Variants in FPR3 observed in about 807,000 individuals in gnomAD.
FPR3 encodes N-formyl peptide receptor 3.
For synonymous variants in FPR3, 135 were observed against 163.6 expected, an observed-to-expected ratio of 0.83 and a Z score of 1.34; for missense variants, 346 against 443.2, an observed-to-expected ratio of 0.78 and a Z score of 1.97.
intron 1 of FPR3, among the ~76,000 whole-genome samples, chr19:51,814,288 G>C (rs778319821): frequency 6.6e-6 from 1 of 152,158 alleles, no homozygotes; most frequent in Non-Finnish European, 1.5e-5. Flanking sequence ...CTCCGATTTA[G>C]ACCTTTAACT....
chr19:51,814,494 GT>G (rs1340034725), intron 1 of FPR3, among the ~76,000 whole-genome samples: 7 of 141,248 alleles, frequency 5.0e-5, no homozygotes, highest in African/African-American at 1.9e-4. Context: ...TTTTTTGTTT[GT>G]TTTGTTTTTT....
Position 51,824,934 on chromosome 19 carries a change from C to G in FPR3, c.*124C>G, listed in dbSNP as rs2084221556. On this transcript the variant is annotated 3_prime_UTR_variant, in exon 2 of 2. Transcript: ENST00000339223. The surrounding 1 kb of genome is among the most constrained non-coding windows in gnomAD (Gnocchi z 4.7). ...CCACAATCATCAACATAAAGGAAGT[C>G]TGTACCAAATCTGTAGGGGGTTTTT... 2.6e-6 allele frequency: 2 copies of G among 783,884 alleles called. No individual in the cohort carries two copies. Among genetic ancestry groups the G allele is most frequent in the Non-Finnish European group, 4.1e-6 (2 of 489,988 alleles). The allele number at this position is 783,884 out of a possible 1,614,324, so 48.6% of individuals were successfully genotyped here. A position where few individuals can be genotyped will look rare whatever the true frequency, so the allele number is the denominator to read the frequency against.
At chr19:51,808,847 G>A (rs2084078223) in intron 1 of FPR3, among the ~76,000 whole-genome samples, 1 of 152,174 alleles carries the variant, frequency 6.6e-6, no homozygotes, top group Non-Finnish European at 1.5e-5. Flanking sequence ...AAGCTTATGT[G>A]TCCGGCATCC....
chr19:51,814,580 A>G (rs2084120742), intron 1 of FPR3, among the ~76,000 whole-genome samples: 1 of 150,586 alleles, frequency 6.6e-6, no homozygotes, highest in Non-Finnish European at 1.5e-5. Flanking sequence ...TGCAACCTCC[A>G]TCTGCTGGGT....
chr19:51,798,827 T>G (rs2122409577), intron 1 of FPR3, among the ~76,000 whole-genome samples: 1 of 152,134 alleles, frequency 6.6e-6, no homozygotes, highest in East Asian at 1.9e-4. Context: ...ATTCTCAGAT[T>G]TTCATGATCA....
At position 51,823,847 on chromosome 19, in the gene FPR3, C is replaced by T. The variant is rs149153203; in HGVS notation, c.99C>T (p.His33=). The stretch of plus-strand genomic sequence containing the variant: ...TGTGGATCTTCTCATTGCTAGTCCA[C>T]GGAGTCACCTTTGTCTTCGGGGTCC... The part of the protein sequence containing the change: ...TVLWIFSLLV[H]GVTFVFGVLG... The change falls in exon 2 of 2, where the codon CAC becomes CAT. Residue 33 remains histidine (H), a synonymous_variant. Transcript: ENST00000339223. The T allele has an allele frequency of 1.5e-5, 25 of 1,614,018 alleles. No individual in the cohort carries two copies. Among genetic ancestry groups the T allele is most frequent in the East Asian group, 1.1e-4 (5 of 44,858 alleles).
intron 1 of FPR3, among the ~76,000 whole-genome samples, chr19:51,795,735 C>G (rs189081050): frequency 3.4e-3 from 523 of 151,844 alleles, no homozygotes; most frequent in South Asian, 9.0e-3. Context: ...GGCTGGTCTT[C>G]AACTCCTGAC....
intron 1 of FPR3, among the ~76,000 whole-genome samples, chr19:51,823,411 G>A (rs2084205188): frequency 6.6e-6 from 1 of 152,112 alleles, no homozygotes; most frequent in Admixed American, 6.5e-5. Flanking sequence ...TGAGTCTTGT[G>A]CCTTCCTCAC....
chr19:51,797,104 G>T (rs34584856), intron 1 of FPR3, among the ~76,000 whole-genome samples: 37,434 of 152,086 alleles, frequency 0.25, 5,022 homozygotes, highest in Admixed American at 0.33. Flanking sequence ...TGTTTGAAAA[G>T]GGAGAAAGTG....
At chr19:51,819,924 C>A (rs182952981) in intron 1 of FPR3, among the ~76,000 whole-genome samples, 2 of 152,054 alleles carry the variant, frequency 1.3e-5, no homozygotes, top group Admixed American at 1.3e-4. Context: ...AGGACAAATA[C>A]CATTTCTTGG....
At chr19:51,818,474 G>A (rs1189865631) in intron 1 of FPR3, among the ~76,000 whole-genome samples, 1 of 152,202 alleles carries the variant, frequency 6.6e-6, no homozygotes. Context: ...GTATATCAGT[G>A]CAGAAAGTAT....
At chr19:51,812,528 G>C (rs1207512306) in intron 1 of FPR3, among the ~76,000 whole-genome samples, 2 of 152,184 alleles carry the variant, frequency 1.3e-5, no homozygotes, top group African/African-American at 4.8e-5. Context: ...TGGCTAGCAT[G>C]TTCTGTTAAG....
At chr19:51,820,038 G>GAAAGA (rs2084176527) in intron 1 of FPR3, among the ~76,000 whole-genome samples, 2 of 152,182 alleles carry the variant, frequency 1.3e-5, no homozygotes, top group Non-Finnish European at 2.9e-5. Flanking sequence ...TGAGGGTTAG[G>GAAAGA]AAAGAAAAGG....
At chr19:51,795,501 A>ATTTT (rs1361472024) in intron 1 of FPR3, among the ~76,000 whole-genome samples, 170 bp downstream of exon 1, 3,254 of 76,432 alleles carry the variant, frequency 0.043, 306 homozygotes, top group Middle Eastern at 0.076. Flanking sequence ...TTCCAGTAAC[A>ATTTT]TTCTTTTTTT....
Position 51,824,317 on chromosome 19 carries a change from G to C in FPR3, c.569G>C (p.Arg190Thr). 6.2e-7 allele frequency: 1 copy of C among 1,614,114 alleles called. No individual in the cohort carries two copies. The highest frequency in any genetic ancestry group is 8.5e-7 in the Non-Finnish European group (1 of 1,180,004). The change falls in exon 2 of 2, where the codon AGG becomes ACG. Residue 190 changes from arginine to threonine, a missense_variant. By Grantham distance (71) the Arg-to-Thr change is moderately conservative (BLOSUM62 -1). Coordinates refer to ENST00000339223, the MANE Select transcript of FPR3 (RefSeq NM_002030.5). This position sits in a 1 kb window ranked among gnomAD's most constrained non-coding sequence, Gnocchi z 4.7. ...FAFWGDTAVE[R>T]LNVFITMAKV... The stretch of plus-strand genomic sequence containing the variant: ...TTCTGGGGTGACACTGCTGTAGAGA[G>C]GTTGAACGTGTTCATTACCATGGCC...
chr19:51,810,687 GCA>G (rs2084090336), intron 1 of FPR3, among the ~76,000 whole-genome samples: 1 of 152,158 alleles, frequency 6.6e-6, no homozygotes, highest in African/African-American at 2.4e-5. Context: ...AAGCAAGTTC[GCA>G]TCAAGTGTCT....
At chr19:51,822,345 A>C (rs1453652115) in intron 1 of FPR3, among the ~76,000 whole-genome samples, 1 of 152,198 alleles carries the variant, frequency 6.6e-6, no homozygotes, top group Admixed American at 6.5e-5. Flanking sequence ...TATGCCCGCA[A>C]AGATGGAGGA....
intron 1 of FPR3, among the ~76,000 whole-genome samples, chr19:51,809,836 A>G (rs2084084583): frequency 6.6e-6 from 1 of 152,122 alleles, no homozygotes; most frequent in Non-Finnish European, 1.5e-5. Context: ...GAGGGAATCA[A>G]TGTGCCTCTG....
At chr19:51,804,201 G>A (rs983751982) in intron 1 of FPR3, 2 of 151,964 alleles carry the variant, frequency 1.3e-5, no homozygotes, top group African/African-American at 4.8e-5. Context: ...CGAGGCTCAG[G>A]GCTCAGTCAC....
Sources: gnomAD v4.1 joint callset for allele counts (sites outside exome capture counted in the v4.1 genomes callset) on GRCh38, gnomAD v4.1.1 for gene constraint, Gnocchi (gnomAD v3.1) non-coding constraint, MANE v1.5 for transcripts, NCBI Gene and HGNC (gene_info 2026-07-23, HGNC 2026-07-21) for gene names.